SOBP: variants seen among roughly 807,000 people sequenced by gnomAD.
SOBP encodes the protein sine oculis binding protein homolog.
Under a neutral mutation model 53.6 loss-of-function variants are expected in SOBP, and 4 were observed. That is an observed-to-expected ratio of 0.07 (90% CI 0.04 to 0.17). The LOEUF is 0.17. Among genes scored for constraint, SOBP ranks in the 10% least tolerant of loss-of-function variants. The pLI is 1.00. For synonymous variants in SOBP, 584 were observed against 522.6 expected (o/e 1.12, Z -1.60); for missense variants, 1,088 against 1,204.7 (o/e 0.90, Z 1.43).
chr6:107,587,994 T>A (rs567197541), intron 5 of SOBP, among the ~76,000 whole-genome samples: 1 of 152,336 alleles, frequency 6.6e-6, no homozygotes, highest in South Asian at 2.1e-4. Flanking sequence ...TTATGAGGGA[T>A]CTAGCTATGT....
chr6:107,498,378 A>T (rs1782751293), intron 1 of SOBP, among the ~76,000 whole-genome samples: 2 of 152,224 alleles, frequency 1.3e-5, no homozygotes, highest in African/African-American at 4.8e-5. Context: ...TGAAAAAATC[A>T]GTATCTGTGT....
In SOBP at chr6:107,634,251, C is replaced by G. The variant is rs749936447; in HGVS notation, c.1407C>G (p.Pro469=). Residue 469 remains proline, a synonymous_variant, in exon 6 of 7, where the codon CCC becomes CCG. Transcript: ENST00000317357. The surrounding 1 kb of genome is among the most constrained non-coding windows in gnomAD (Gnocchi z 4.5). Reference sequence around the variant, plus strand: ...ACCCCCCGAGCACCCCCACCATGCCCGGGAACCCCCCAGGCCTGCTGCCCC... The same window carrying G: ...ACCCCCCGAGCACCCCCACCATGCCGGGGAACCCCCCAGGCCTGCTGCCCC... ...HIHPPSTPTM[P]GNPPGLLPPP... 1.3e-6 allele frequency: 2 copies of G among 1,572,610 alleles called. No individual in the cohort carries two copies.
intron 1 of SOBP, among the ~76,000 whole-genome samples, chr6:107,501,351 C>G (rs1378398482): frequency 6.6e-6 from 1 of 152,186 alleles, no homozygotes; most frequent in Non-Finnish European, 1.5e-5. Context: ...TAAAACAAAT[C>G]TATATCCTTG....
chr6:107,583,243 A>T (rs965525169), intron 4 of SOBP, among the ~76,000 whole-genome samples: 1 of 152,206 alleles, frequency 6.6e-6, no homozygotes, highest in African/African-American at 2.4e-5. Context: ...GGCTGGGCTG[A>T]AGATACAGTG....
chr6:107,634,790 C>A lies in SOBP; in HGVS notation c.1946C>A (p.Pro649Gln). 2 of 1,397,566 alleles carry A rather than the reference C, an allele frequency of 1.4e-6. No homozygotes were observed. The highest frequency in any genetic ancestry group is 1.9e-6 in the Non-Finnish European group (2 of 1,073,464). 86.6% of individuals were successfully genotyped at this position (1,397,566 alleles called of 1,614,324 possible). ...GGCTTCCCAGGCGTGCTGCAGGGCC[C>A]GCAGGACGGCGTCATCGACCTGACC... ...QLGFPGVLQG[P>Q]QDGVIDLTVG... Residue 649 changes from proline (P) to glutamine (Q), a missense_variant, in exon 6 of 7, where the codon CCG (proline) becomes CAG (glutamine). Physicochemically the swap from Pro to Gln is moderately conservative, Grantham distance 76. Transcript: ENST00000317357. The surrounding 1 kb of genome is among the most constrained non-coding windows in gnomAD (Gnocchi z 4.5).
chr6:107,544,631 G>A (rs577203322), intron 4 of SOBP, among the ~76,000 whole-genome samples: 7 of 152,334 alleles, frequency 4.6e-5, no homozygotes, highest in African/African-American at 1.7e-4. Flanking sequence ...AGAGAAGGAA[G>A]AGCTTATTGG....
chr6:107,574,176 T>G (rs1397855439), intron 4 of SOBP, among the ~76,000 whole-genome samples: 1 of 152,238 alleles, frequency 6.6e-6, no homozygotes, highest in Non-Finnish European at 1.5e-5. Flanking sequence ...GCAAAAGTCT[T>G]TCATCCCTTA....
chr6:107,615,947 A>G (rs1204960145), intron 5 of SOBP, among the ~76,000 whole-genome samples: 1 of 151,422 alleles, frequency 6.6e-6, no homozygotes, highest in Non-Finnish European at 1.5e-5. Context: ...ACTTGAGCCC[A>G]GGAGATCAAG....
chr6:107,629,892 G>A (rs1358237531), intron 5 of SOBP, among the ~76,000 whole-genome samples: 2 of 152,244 alleles, frequency 1.3e-5, no homozygotes, highest in Non-Finnish European at 2.9e-5. Context: ...TGCTGTTATA[G>A]GGTTGAATGG....
chr6:107,657,093 G>A (rs928378875), intron 6 of SOBP, among the ~76,000 whole-genome samples: 2 of 152,258 alleles, frequency 1.3e-5, no homozygotes, highest in African/African-American at 4.8e-5. Context: ...TACGAGTTGG[G>A]TGTAGAGACA....
At chr6:107,531,963 G>T (rs955224126) in intron 3 of SOBP, among the ~76,000 whole-genome samples, 1 of 152,058 alleles carries the variant, frequency 6.6e-6, no homozygotes. Flanking sequence ...TTCTAATTTT[G>T]CAGGCTGATG....
chr6:107,658,979 A>C lies in SOBP; in HGVS notation c.*776A>C, dbSNP rs1772185138. ...TGCCAAGAGAACTCGGTAAATGTTTATTCTTCTCAGCTTTCTCTTTAAATT... is the reference window on the plus strand; with the variant it reads ...TGCCAAGAGAACTCGGTAAATGTTTCTTCTTCTCAGCTTTCTCTTTAAATT... On this transcript the variant is annotated 3_prime_UTR_variant, in exon 7 of 7. Transcript: ENST00000317357. The C allele has an allele frequency of 1.3e-5, 2 of 152,762 alleles. No homozygotes were observed. The highest frequency in any genetic ancestry group is 2.9e-5 in the Non-Finnish European group (2 of 68,028). 9.5% of individuals were successfully genotyped at this position (152,762 alleles called of 1,614,324 possible).
chr6:107,519,299 T>C (rs951773648), intron 3 of SOBP, among the ~76,000 whole-genome samples: 2 of 149,514 alleles, frequency 1.3e-5, no homozygotes, highest in African/African-American at 5.0e-5. Flanking sequence ...TGGTGCTAAA[T>C]GTCCTACAAT....
At chr6:107,600,700 C>T (rs1258400189) in intron 5 of SOBP, among the ~76,000 whole-genome samples, 1 of 152,182 alleles carries the variant, frequency 6.6e-6, no homozygotes, top group East Asian at 1.9e-4. Context: ...ATCATCAGCT[C>T]TTTGGTGTAT....
Position 107,533,491 on chromosome 6 carries a change from G to T in SOBP, c.454G>T (p.Ala152Ser), listed in dbSNP as rs1783903429. Residue 152 changes from alanine to serine, a missense_variant, in exon 4 of 7, where the codon GCC becomes TCC. Ala to Ser is a moderately conservative substitution (Grantham distance 99). Around this residue, in one of 6 missense-constraint regions of SOBP, gnomAD observed 55 missense variants for 134.3 expected, o/e 0.41. Coordinates refer to ENST00000317357, the MANE Select transcript of SOBP (RefSeq NM_018013.4). ...TGTGTCAAATGTACAAATAATGTGT[G>T]CCTGGTGCCAGAAAGTGGGAATCAA... The part of the protein sequence containing the change: ...DDVSNVQIMC[A>S]WCQKVGIKRY... 6.2e-7 allele frequency: 1 copy of T among 1,613,984 alleles called. No homozygotes were observed.
chr6:107,550,270 A>C (rs1036288947), intron 4 of SOBP, among the ~76,000 whole-genome samples: 1 of 152,300 alleles, frequency 6.6e-6, no homozygotes, highest in Admixed American at 6.5e-5. Context: ...TCTGCAACTC[A>C]GTGAGGTCCT....
chr6:107,490,903 A>C (rs961122007), intron 1 of SOBP, among the ~76,000 whole-genome samples, 191 bp downstream of exon 1: 51 of 152,154 alleles, frequency 3.4e-4, no homozygotes, highest in African/African-American at 1.1e-3. Flanking sequence ...AATTGTTGCC[A>C]ACCTCAGATT....
chr6:107,538,052 G>A (rs1210320638), intron 4 of SOBP, among the ~76,000 whole-genome samples: 1 of 152,088 alleles, frequency 6.6e-6, no homozygotes, highest in Non-Finnish European at 1.5e-5. Context: ...TTCTGTTATT[G>A]GCATTTCTTT....
In SOBP at chr6:107,634,926, G is replaced by T; in HGVS notation, c.2082G>T (p.Arg694Ser). ...AGCGCAGGACCTGCGGCGGCTGCAG[G>T]GACGGCCACTGCAGCCCGCCCGCCG... is the stretch of plus-strand genomic sequence containing the variant. ...AAERRTCGGC[R>S]DGHCSPPAAG... Residue 694 changes from arginine to serine, a missense_variant, in exon 6 of 7, where the codon AGG becomes AGT. Physicochemically the swap from Arg to Ser is moderately radical, Grantham distance 110. Around this residue, in one of 6 missense-constraint regions of SOBP, gnomAD observed 665 missense variants for 629.7 expected, o/e 1.06. Transcript: ENST00000317357. This position sits in a 1 kb window ranked among gnomAD's most constrained non-coding sequence, Gnocchi z 4.5. 1 of 1,161,288 alleles carries T rather than the reference G, an allele frequency of 8.6e-7. No homozygotes were observed. The highest frequency in any genetic ancestry group is 3.5e-5 in the South Asian group (1 of 28,876). The allele number at this position is 1,161,288 out of a possible 1,614,324, so 71.9% of individuals were successfully genotyped here.
Sources: allele counts gnomAD v4.1 joint callset (sites outside exome capture counted in the v4.1 genomes callset), GRCh38; gene constraint gnomAD v4.1.1; regional missense constraint gnomAD v4.1.1; non-coding constraint Gnocchi (gnomAD v3.1); transcripts MANE v1.5; gene names NCBI Gene and HGNC (gene_info 2026-07-23, HGNC 2026-07-21).